Variants in ANO4 observed in about 807,000 individuals in gnomAD.
The protein encoded by ANO4 is anoctamin-4.
Under a neutral mutation model 141.9 loss-of-function variants are expected in ANO4, and 69 were observed. The observed-to-expected ratio is 0.49, with a 90% CI of 0.40 to 0.59. ANO4 has a LOEUF of 0.59. Ranked by LOEUF, ANO4 falls within the 20% of genes least tolerant of loss-of-function variation. The pLI, the probability that ANO4 is intolerant of heterozygous loss-of-function variation, is 0.00. For missense variants in ANO4, 894 were observed against 1,162.2 expected (o/e 0.77, Z 3.36); for synonymous variants, 350 against 394.3 (o/e 0.89, Z 1.33).
chr12:101,048,129 A>G, intron 13 of ANO4: 1 of 1,098,728 alleles, frequency 9.1e-7, no homozygotes, highest in East Asian at 2.8e-5. Context: ...AACCACATAA[A>G]GAGAACAAAT....
At chr12:100,865,190 C>T (rs964449631) in intron 1 of ANO4, among the ~76,000 whole-genome samples, 1 of 152,118 alleles carries the variant, frequency 6.6e-6, no homozygotes, top group Non-Finnish European at 1.5e-5. Flanking sequence ...GATTCTAGAT[C>T]CTTGAGGAAT....
At chr12:100,768,974 G>A (rs1220752630) in intron 3 of ANO4, among the ~76,000 whole-genome samples, 1 of 152,060 alleles carries the variant, frequency 6.6e-6, no homozygotes, top group Non-Finnish European at 1.5e-5. Context: ...CTGTGCCTGT[G>A]ATAGCATCTA....
chr12:101,046,332 A>G (rs1427303495), intron 13 of ANO4, among the ~76,000 whole-genome samples: 1 of 152,162 alleles, frequency 6.6e-6, no homozygotes, highest in Non-Finnish European at 1.5e-5. Flanking sequence ...ATATTGCTCC[A>G]GGAATACCAG....
chr12:101,071,638 A>T (rs2048815732), intron 14 of ANO4, among the ~76,000 whole-genome samples: 1 of 152,156 alleles, frequency 6.6e-6, no homozygotes, highest in Non-Finnish European at 1.5e-5. Flanking sequence ...ACAGCACAAC[A>T]TGGGGACTAT....
At chr12:101,099,004 A>T (rs1253032444) in intron 21 of ANO4, among the ~76,000 whole-genome samples, 1 of 152,166 alleles carries the variant, frequency 6.6e-6, no homozygotes, top group East Asian at 1.9e-4. Flanking sequence ...GAACACTGCT[A>T]AGGGTTCCTG....
At chr12:100,795,337 G>A (rs2034241874) in intron 1 of ANO4, among the ~76,000 whole-genome samples, 1 of 152,212 alleles carries the variant, frequency 6.6e-6, no homozygotes, top group Admixed American at 6.5e-5. Flanking sequence ...GGGAATCTGT[G>A]GAGGATGACT....
chr12:100,798,198 A>G (rs1477857717), intron 1 of ANO4, among the ~76,000 whole-genome samples: 1 of 152,172 alleles, frequency 6.6e-6, no homozygotes, highest in Non-Finnish European at 1.5e-5. Flanking sequence ...TGATTATGTG[A>G]TACAGCTTTT....
chr12:100,786,524 A>G (rs1416010799), intron 3 of ANO4, among the ~76,000 whole-genome samples: 1 of 152,146 alleles, frequency 6.6e-6, no homozygotes, highest in Non-Finnish European at 1.5e-5. Flanking sequence ...CAGTCTCTAC[A>G]CTGAAATTTT....
At chr12:100,827,139 G>A (rs2036392783) in intron 1 of ANO4, among the ~76,000 whole-genome samples, 1 of 152,006 alleles carries the variant, frequency 6.6e-6, no homozygotes, top group Admixed American at 6.6e-5. Context: ...TAGTCAGATA[G>A]TAAAAGACAA....
At chr12:100,890,053 A>T (rs916471633) in intron 1 of ANO4, among the ~76,000 whole-genome samples, 3 of 152,150 alleles carry the variant, frequency 2.0e-5, no homozygotes, top group Non-Finnish European at 4.4e-5. Context: ...AATCATAATT[A>T]TTATAGTTAT....
intron 22 of ANO4, among the ~76,000 whole-genome samples, chr12:101,100,413 A>G (rs887834409): frequency 6.6e-6 from 1 of 152,206 alleles, no homozygotes; most frequent in Non-Finnish European, 1.5e-5. Context: ...GAATAGTAGA[A>G]TTGATGCTTA....
chr12:100,863,078 A>G (rs570840057), intron 1 of ANO4, among the ~76,000 whole-genome samples: 2 of 152,284 alleles, frequency 1.3e-5, no homozygotes, highest in Non-Finnish European at 2.9e-5. Context: ...GGAGCTAGAA[A>G]GGTTCCCAAC....
rs571321279 is a variant in ANO4 at position 100,866,681 on chromosome 12, C to A, written c.-140-34965C>A. Among the ~76,000 whole-genome samples the A allele has an allele frequency of 9.2e-5, 14 of 152,212 alleles. No individual in the cohort carries two copies. In the East Asian group the frequency reaches 2.3e-3, roughly 25 times the overall value. ...GTGTTTCCTGATAGAAGCATTTCTA[C>A]ATTAAACATGAGGACTTCCAAGGTC... On this transcript the variant is annotated intron_variant, in intron 1 of 27. Transcript: ENST00000392977.
intron 3 of ANO4, among the ~76,000 whole-genome samples, chr12:100,780,686 A>G (rs1316436554): frequency 1.3e-5 from 2 of 152,082 alleles, no homozygotes; most frequent in Non-Finnish European, 2.9e-5. Context: ...TGTTTTGATC[A>G]ATAGAGTCCT....
chr12:100,798,269 C>G (rs913910934), intron 1 of ANO4, among the ~76,000 whole-genome samples: 1 of 152,204 alleles, frequency 6.6e-6, no homozygotes, highest in Non-Finnish European at 1.5e-5. Flanking sequence ...GTTGCTTTTC[C>G]CAATATTATT....
intron 2 of ANO4, among the ~76,000 whole-genome samples, chr12:100,908,921 G>A (rs1306605840): frequency 2.0e-5 from 3 of 152,092 alleles, no homozygotes; most frequent in Non-Finnish European, 2.9e-5. Context: ...CTTTTATGAG[G>A]GCCTACTATT....
At chr12:100,976,164 A>G (rs1176168783) in intron 7 of ANO4, among the ~76,000 whole-genome samples, 1 of 152,194 alleles carries the variant, frequency 6.6e-6, no homozygotes, top group Non-Finnish European at 1.5e-5. Context: ...TGATGGTTAA[A>G]CTGGGAAACT....
At chr12:100,965,654 G>A (rs183966644) in intron 5 of ANO4, among the ~76,000 whole-genome samples, 5 of 151,626 alleles carry the variant, frequency 3.3e-5, no homozygotes, top group African/African-American at 9.7e-5. Context: ...TTTAGTTCCC[G>A]GAACAATCTC....
intron 20 of ANO4, 25 bp from the exon 21 acceptor site, chr12:101,097,823 A>G: frequency 6.2e-7 from 1 of 1,610,950 alleles, no homozygotes; most frequent in Non-Finnish European, 8.5e-7. Flanking sequence ...TGATTCTGGA[A>G]TTTCTGTGTT....
Sources: allele counts gnomAD v4.1 joint callset (sites outside exome capture counted in the v4.1 genomes callset), GRCh38; gene constraint gnomAD v4.1.1; transcripts MANE v1.5; gene names NCBI Gene and HGNC (gene_info 2026-07-23, HGNC 2026-07-21).